The following KIAA1958 variants were observed in gnomAD, a reference collection of about 807,000 sequenced individuals.
KIAA1958 encodes KIAA1958, also known as uncharacterized protein KIAA1958.
A neutral mutation model predicts 47.2 loss-of-function variants in KIAA1958; 14 were observed. The observed-to-expected ratio is 0.30, with a 90% CI of 0.20 to 0.46. KIAA1958 has a LOEUF of 0.46. KIAA1958 is among the 20% of genes least tolerant of loss of function. The pLI is 1.00. For missense variants in KIAA1958, 803 were observed against 909.2 expected (o/e 0.88, Z 1.50); for synonymous variants, 354 against 353.3 (o/e 1.00, Z -0.02).
chr9:112,538,234 A>G (rs1227651468), intron 1 of KIAA1958, among the ~76,000 whole-genome samples: 1 of 152,166 alleles, frequency 6.6e-6, no homozygotes, highest in Non-Finnish European at 1.5e-5. Flanking sequence ...AGTCCCAGCT[A>G]CTCTGGAGGC....
intron 1 of KIAA1958, among the ~76,000 whole-genome samples, chr9:112,524,672 G>A (rs992214846): frequency 6.6e-6 from 1 of 152,162 alleles, no homozygotes; most frequent in Non-Finnish European, 1.5e-5. Context: ...ACCTTCCAGT[G>A]TAATAGCCAC....
chr9:112,560,146 G>T (rs545222681), intron 1 of KIAA1958, among the ~76,000 whole-genome samples: 2 of 149,530 alleles, frequency 1.3e-5, no homozygotes, highest in Admixed American at 6.6e-5. Flanking sequence ...CAATCCTTCT[G>T]CCTTGGCCTG....
intron 1 of KIAA1958, among the ~76,000 whole-genome samples, chr9:112,510,967 G>A (rs1321825445): frequency 1.3e-5 from 2 of 152,004 alleles, no homozygotes; most frequent in Non-Finnish European, 2.9e-5. Context: ...TTGCAAAAAA[G>A]CAAGGAAGAT....
chr9:112,547,862 C>G (rs1835067947), intron 1 of KIAA1958, among the ~76,000 whole-genome samples: 1 of 152,078 alleles, frequency 6.6e-6, no homozygotes, highest in African/African-American at 2.4e-5. Context: ...AGCCTGCTGC[C>G]TGGAGGATTT....
intron 2 of KIAA1958, among the ~76,000 whole-genome samples, chr9:112,639,146 C>G (rs570740880): frequency 6.6e-6 from 1 of 152,342 alleles, no homozygotes; most frequent in South Asian, 2.1e-4. Flanking sequence ...TTCTTTCCCT[C>G]TAAACGTCTA....
At chr9:112,641,540 T>C (rs1836891850) in intron 2 of KIAA1958, among the ~76,000 whole-genome samples, 1 of 152,024 alleles carries the variant, frequency 6.6e-6, no homozygotes, top group Non-Finnish European at 1.5e-5. Context: ...ATTTGACAGT[T>C]CATGAACCTT....
At chr9:112,621,107 G>A (rs1836498862) in intron 2 of KIAA1958, among the ~76,000 whole-genome samples, 1 of 152,124 alleles carries the variant, frequency 6.6e-6, no homozygotes, top group Non-Finnish European at 1.5e-5. Context: ...TTAATTTCCA[G>A]TGGTTTGATC....
intron 1 of KIAA1958, among the ~76,000 whole-genome samples, chr9:112,555,290 T>C (rs1181205418): frequency 6.6e-6 from 1 of 152,040 alleles, no homozygotes; most frequent in African/African-American, 2.4e-5. Context: ...TAAGAGTGAG[T>C]GTCATTTATA....
chr9:112,652,768 T>C (rs894797900), intron 3 of KIAA1958, among the ~76,000 whole-genome samples: 13 of 152,144 alleles, frequency 8.5e-5, no homozygotes, highest in African/African-American at 3.1e-4. Flanking sequence ...ACTACAGATG[T>C]ACACCACCAT....
chr9:112,572,861 C>T (rs1052450908), intron 1 of KIAA1958, among the ~76,000 whole-genome samples: 3 of 152,182 alleles, frequency 2.0e-5, no homozygotes, highest in Admixed American at 6.5e-5. Context: ...TGACAGGGCG[C>T]CATGGAGTCA....
intron 2 of KIAA1958, among the ~76,000 whole-genome samples, chr9:112,583,471 T>A (rs1242881768): frequency 6.6e-6 from 1 of 152,210 alleles, no homozygotes; most frequent in Non-Finnish European, 1.5e-5. Flanking sequence ...ATTCAATTTT[T>A]AAATGCCTGT....
chr9:112,604,095 G>A (rs143454727), intron 2 of KIAA1958, among the ~76,000 whole-genome samples: 139 of 152,242 alleles, frequency 9.1e-4, no homozygotes, highest in African/African-American at 3.3e-3. Context: ...GGGTACTGTA[G>A]CAATAGAAGC....
intron 1 of KIAA1958, among the ~76,000 whole-genome samples, chr9:112,497,080 G>A (rs1220440714): frequency 6.6e-6 from 1 of 152,150 alleles, no homozygotes; most frequent in Non-Finnish European, 1.5e-5. Flanking sequence ...ACTTACAGTT[G>A]TAAGATATAA....
At position 112,574,114 on chromosome 9, in the gene KIAA1958, CT is replaced by C; in HGVS notation, c.35del (p.Leu12ArgfsTer21). 1 of 1,604,788 alleles carries C rather than the reference CT, an allele frequency of 6.2e-7. No individual in the cohort carries two copies. Among genetic ancestry groups the C allele is most frequent in the Non-Finnish European group, 8.5e-7 (1 of 1,173,916 alleles). ...TTGTCTTCATACCTCATCTGAGAAT[CT>C]GTCCAAATTGGTCAGCTGGGCCCAT... ...EDCLHTSSEN[L>X]SKLVSWAHSH... On this transcript the variant is annotated frameshift_variant, in exon 2 of 4. Transcript: ENST00000337530. LOFTEE classifies it high-confidence loss of function.
chr9:112,501,499 G>A (rs1438202297), intron 1 of KIAA1958, among the ~76,000 whole-genome samples: 1 of 152,132 alleles, frequency 6.6e-6, no homozygotes, highest in African/African-American at 2.4e-5. Context: ...CAAGAGGGCA[G>A]CCAACCAGGG....
intron 2 of KIAA1958, among the ~76,000 whole-genome samples, chr9:112,596,111 C>T (rs891140772): frequency 1.3e-5 from 2 of 152,004 alleles, no homozygotes; most frequent in Non-Finnish European, 2.9e-5. Context: ...ATGGAGTATA[C>T]AGTAAAAAAA....
intron 3 of KIAA1958, among the ~76,000 whole-genome samples, chr9:112,652,428 A>G (rs1227901226): frequency 6.6e-6 from 1 of 152,228 alleles, no homozygotes; most frequent in African/African-American, 2.4e-5. Context: ...AACACGGGCC[A>G]GAATGAACTG....
intron 1 of KIAA1958, among the ~76,000 whole-genome samples, chr9:112,560,140 C>T (rs1441425253): frequency 6.7e-6 from 1 of 150,236 alleles, no homozygotes; most frequent in African/African-American, 2.4e-5. Context: ...CTCAAGCAAT[C>T]CTTCTGCCTT....
chr9:112,493,356 GC>G (rs1191221748), intron 1 of KIAA1958, among the ~76,000 whole-genome samples: 5 of 152,066 alleles, frequency 3.3e-5, no homozygotes, highest in Non-Finnish European at 7.4e-5. Context: ...CATTCAACAT[GC>G]CCCAGACTTA....
Sources: allele counts gnomAD v4.1 joint callset (sites outside exome capture counted in the v4.1 genomes callset), GRCh38; gene constraint gnomAD v4.1.1; transcripts MANE v1.5; gene names NCBI Gene and HGNC (gene_info 2026-07-23, HGNC 2026-07-21).